MBTD1: variants seen among roughly 807,000 people sequenced by gnomAD.
The protein encoded by MBTD1 is MBT domain-containing protein 1.
MBTD1 carries 24 observed loss-of-function variants against 87.8 expected under a neutral mutation model. That is an observed-to-expected ratio of 0.27 (90% CI 0.20 to 0.38). The LOEUF (loss-of-function observed/expected upper bound fraction) is 0.38, where lower values mean the gene tolerates loss of function less well. Among genes scored for constraint, MBTD1 ranks in the 10% least tolerant of loss-of-function variants. The pLI, the probability that MBTD1 is intolerant of heterozygous loss-of-function variation, is 1.00. For missense variants in MBTD1, 436 were observed against 760.2 expected, an observed-to-expected ratio of 0.57 and a Z score of 5.02; for synonymous variants, 237 against 248.6, an observed-to-expected ratio of 0.95 and a Z score of 0.44.
rs1491272569 is a variant in MBTD1, at chr17:51,179,481, A to ATTATATATATATATATATAT, written c.*1094_*1095insATATATATATATATATATAA. On this transcript the variant is annotated 3_prime_UTR_variant, in exon 17 of 17. Coordinates refer to ENST00000586178, the MANE Select transcript of MBTD1 (RefSeq NM_017643.3). ...TAAATCCTGAATACAATTAAAGACA[A>ATTATATATATATATATATAT]TTTTATATATATATATATATATATA... The ATTATATATATATATATATAT allele has an allele frequency of 4.1e-4, 20 of 49,296 alleles. 1 individual carries two copies. Among genetic ancestry groups the ATTATATATATATATATATAT allele is most frequent in the Non-Finnish European group, 6.9e-4 (17 of 24,520 alleles). 3.1% of individuals were successfully genotyped at this position (49,296 alleles called of 1,614,324 possible).
chr17:51,225,094 T>C lies in MBTD1; in HGVS notation c.68A>G (p.Glu23Gly). ...SSSSSSEESE[E>G]EVAPLPSNLP... Reference sequence around the variant, plus strand: ...ATTAGAAGGTAAAGGAGCGACTTCTTCCTCACTCTCTTCGGAGCTGGAGCT... The same window carrying C: ...ATTAGAAGGTAAAGGAGCGACTTCTCCCTCACTCTCTTCGGAGCTGGAGCT... The change falls in exon 3 of 17, where the codon GAA (glutamate) becomes GGA (glycine). Residue 23 changes from glutamate (E) to glycine (G), a missense_variant. By Grantham distance (98) the Glu-to-Gly change is moderately conservative. Transcript: ENST00000586178. 2 of 1,551,650 alleles carry C rather than the reference T, an allele frequency of 1.3e-6. No individual in the cohort carries two copies. Among genetic ancestry groups the C allele is most frequent in the Non-Finnish European group, 1.7e-6 (2 of 1,146,876 alleles).
intron 1 of MBTD1, 49 bp from the exon 2 acceptor site, chr17:51,259,255 G>A: frequency 1.6e-6 from 2 of 1,231,736 alleles, no homozygotes; most frequent in Non-Finnish European, 2.0e-6. Flanking sequence ...AATGGTCACA[G>A]AAGTCCACCG....
At chr17:51,245,328 G>GT (rs2054372105) in intron 2 of MBTD1, among the ~76,000 whole-genome samples, 1 of 151,946 alleles carries the variant, frequency 6.6e-6, no homozygotes, top group East Asian at 1.9e-4. Flanking sequence ...CCCTTTATCT[G>GT]TATGTATGGA....
chr17:51,240,759 AGGGAGTTATATACTCCCC>A (rs2054117739), intron 2 of MBTD1, among the ~76,000 whole-genome samples: 1 of 152,206 alleles, frequency 6.6e-6, no homozygotes, highest in African/African-American at 2.4e-5. Flanking sequence ...TTTAAGGAAC[AGGGAGTTATATACTCCCC>A]TTCTTGAGAG....
intron 6 of MBTD1, among the ~76,000 whole-genome samples, chr17:51,212,714 T>C (rs1273270473): frequency 6.6e-6 from 1 of 152,218 alleles, no homozygotes; most frequent in Non-Finnish European, 1.5e-5. Flanking sequence ...TGCTTCAATT[T>C]AGTCTTTAAG....
At chr17:51,232,136 G>T (rs1331919864) in intron 2 of MBTD1, among the ~76,000 whole-genome samples, 5 of 152,012 alleles carry the variant, frequency 3.3e-5, no homozygotes, top group African/African-American at 1.2e-4. Flanking sequence ...TGTAATCACA[G>T]GCCTGACCTC....
Position 51,180,588 on chromosome 17 carries a change from T to A in MBTD1, c.1875A>T (p.Lys625Asn), listed in dbSNP as rs1459479381. ...TTTCTAAGCCACCTCATGGCTCTTG[T>A]TTGATGTAGAAGTTGGCAGAGCCAT... ...ESNGSANFYI[K>N]QEP The change falls in exon 17 of 17, where the codon AAA (lysine) becomes AAT (asparagine). Residue 625 changes from lysine (K) to asparagine (N), a missense_variant. Around this residue, in one of 5 missense-constraint regions of MBTD1, gnomAD observed 32 missense variants for 34.7 expected, o/e 0.92. Transcript: ENST00000586178. 1 of 1,542,760 alleles carries A rather than the reference T, an allele frequency of 6.5e-7. No individual in the cohort carries two copies. The highest frequency in any genetic ancestry group is 1.4e-5 in the African/African-American group (1 of 72,748).
intron 16 of MBTD1, among the ~76,000 whole-genome samples, chr17:51,181,917 G>A (rs1304412386): frequency 6.6e-6 from 1 of 152,138 alleles, no homozygotes; most frequent in Non-Finnish European, 1.5e-5. Context: ...GAGCCACAGC[G>A]CCTGGCTGTG....
At chr17:51,228,417 A>G (rs1238553873) in intron 2 of MBTD1, among the ~76,000 whole-genome samples, 1 of 151,966 alleles carries the variant, frequency 6.6e-6, no homozygotes, top group Non-Finnish European at 1.5e-5. Context: ...AAAGAAAGAT[A>G]CAAAGAAGTT....
chr17:51,236,581 G>T (rs1241948235), intron 2 of MBTD1, among the ~76,000 whole-genome samples: 1 of 152,106 alleles, frequency 6.6e-6, no homozygotes, highest in Non-Finnish European at 1.5e-5. Flanking sequence ...TGCTCATCAA[G>T]GTTAGTCTTG....
Position 51,245,784 on chromosome 17 carries a change from A to T in MBTD1, c.-49+13359T>A, listed in dbSNP as rs891869313. ...TGGAATGTATTCTGATATCTTGCAG[A>T]GCTAGATACCCCCTCAAAAATCTTT... On this transcript the variant is annotated intron_variant, in intron 2 of 16. Transcript: ENST00000586178. 2.6e-5 allele frequency among the ~76,000 whole-genome samples: 4 copies of T among 152,222 alleles called. No homozygotes were observed. In the East Asian group the frequency reaches 7.7e-4, roughly 29 times the overall value.
intron 6 of MBTD1, among the ~76,000 whole-genome samples, chr17:51,211,418 A>G (rs918527184): frequency 6.6e-6 from 1 of 151,220 alleles, no homozygotes; most frequent in Non-Finnish European, 1.5e-5. Flanking sequence ...GAGGTGGGAG[A>G]GTCACCTGAG....
At chr17:51,190,917 C>T (rs1178391137) in intron 16 of MBTD1, among the ~76,000 whole-genome samples, 1 of 151,006 alleles carries the variant, frequency 6.6e-6, no homozygotes, top group Non-Finnish European at 1.5e-5. Context: ...TCTGTCTCTA[C>T]AAAAAAATAC....
intron 5 of MBTD1, among the ~76,000 whole-genome samples, chr17:51,218,485 C>A (rs534479190): frequency 6.8e-6 from 1 of 147,362 alleles, no homozygotes; most frequent in African/African-American, 2.5e-5. Context: ...GCCGAGATCA[C>A]GCCACTGAAC....
upstream of MBTD1, chr17:51,260,180 A>C: frequency 2.6e-6 from 1 of 386,786 alleles, no homozygotes; most frequent in Non-Finnish European, 4.6e-6. Flanking sequence ...GGACCGTACC[A>C]AGACGAAGGG....
rs1377255769 is a variant in MBTD1, at chr17:51,259,950, A to G, written c.-228T>C. 8.7e-7 allele frequency: 1 copy of G among 1,155,106 alleles called. No individual in the cohort carries two copies. The allele number at this position is 1,155,106 out of a possible 1,614,324, so 71.6% of individuals were successfully genotyped here. ...GGTGCCTCTCCCCGGGACTGCGGCG[A>G]CTACAGGGGGCCCCCGGCTGGGCCC... is the stretch of plus-strand genomic sequence containing the variant. On this transcript the variant is annotated 5_prime_UTR_variant, in exon 1 of 17. Transcript: ENST00000586178.
At chr17:51,223,959 T>C (rs990633308) in intron 3 of MBTD1, among the ~76,000 whole-genome samples, 11 of 152,252 alleles carry the variant, frequency 7.2e-5, no homozygotes, top group African/African-American at 2.4e-4. Flanking sequence ...ACTGGGTTAG[T>C]TCATGTGGTA....
In MBTD1 at chr17:51,252,408, C is replaced by A. The variant is rs183676148; in HGVS notation, c.-49+6735G>T. Among the ~76,000 whole-genome samples, 23 of 152,210 alleles carry A rather than the reference C, an allele frequency of 1.5e-4. No individual in the cohort carries two copies. The East Asian group carries it at 2.9e-3, about 19-fold the overall frequency. On this transcript the variant is annotated intron_variant, in intron 2 of 16. Coordinates refer to ENST00000586178, the MANE Select transcript of MBTD1 (RefSeq NM_017643.3). ...AAATAAATATGTTTCAGGTAACGTG[C>A]CTTCATGAACATTTTGCTCTTCAAA...
chr17:51,186,999 A>G (rs905825163), intron 16 of MBTD1, among the ~76,000 whole-genome samples: 12 of 152,230 alleles, frequency 7.9e-5, no homozygotes, highest in Non-Finnish European at 1.3e-4. Flanking sequence ...GGTTACTGAT[A>G]TGAAATGTGC....
Sources: gnomAD v4.1 joint callset for allele counts (sites outside exome capture counted in the v4.1 genomes callset) on GRCh38, gnomAD v4.1.1 for gene constraint, gnomAD v4.1.1 regional missense constraint, MANE v1.5 for transcripts, NCBI Gene and HGNC (gene_info 2026-07-23, HGNC 2026-07-21) for gene names.